The following NELL1 variants were observed in gnomAD, a reference collection of about 807,000 sequenced individuals.
NELL1 encodes the protein protein kinase C-binding protein NELL1.
A neutral mutation model predicts 107.4 loss-of-function variants in NELL1; 76 were observed. The observed-to-expected ratio is 0.71, with a 90% confidence interval of 0.59 to 0.86. NELL1 has a LOEUF of 0.86. Ranked by LOEUF, NELL1 falls within the 40% of genes least tolerant of loss-of-function variation. NELL1 has a pLI of 0.00. For synonymous variants in NELL1, 353 were observed against 341.2 expected (o/e 1.03, Z -0.38); for missense variants, 1,024 against 1,005.5 (o/e 1.02, Z -0.25).
intron 2 of NELL1, among the ~76,000 whole-genome samples, chr11:20,759,601 G>C (rs968264899): frequency 6.6e-6 from 1 of 152,204 alleles, no homozygotes; most frequent in Non-Finnish European, 1.5e-5. Context: ...CAGTCCGACA[G>C]CTTCATCCAC....
At chr11:21,551,308 CT>C (rs1322104276) in intron 16 of NELL1, among the ~76,000 whole-genome samples, 1 of 152,006 alleles carries the variant, frequency 6.6e-6, no homozygotes, top group Non-Finnish European at 1.5e-5. Flanking sequence ...TTGACTTCCT[CT>C]TTTCCTAATT....
At chr11:21,515,442 C>A (rs541046311) in intron 15 of NELL1, among the ~76,000 whole-genome samples, 4 of 152,284 alleles carry the variant, frequency 2.6e-5, no homozygotes, top group South Asian at 2.1e-4. Context: ...CCTCTTGCTA[C>A]CTGCCACTAA....
At chr11:20,772,246 G>T (rs1856654627) in intron 2 of NELL1, among the ~76,000 whole-genome samples, 1 of 152,194 alleles carries the variant, frequency 6.6e-6, no homozygotes, top group Admixed American at 6.5e-5. Flanking sequence ...GGGAGGAGGA[G>T]TGTTGCTACG....
At chr11:21,521,524 T>TG (rs1288234882) in intron 15 of NELL1, among the ~76,000 whole-genome samples, 2 of 66,090 alleles carry the variant, frequency 3.0e-5, no homozygotes, top group Admixed American at 1.4e-4. Context: ...ATATTGGTGA[T>TG]TTTTTTTGGT....
At chr11:20,983,458 G>T (rs1851788950) in intron 12 of NELL1, among the ~76,000 whole-genome samples, 1 of 152,128 alleles carries the variant, frequency 6.6e-6, no homozygotes, top group Admixed American at 6.5e-5. Flanking sequence ...TTTTAAAGAT[G>T]TATGATCTCT....
chr11:20,713,480 C>T (rs78786240), intron 2 of NELL1, among the ~76,000 whole-genome samples: 4,780 of 152,232 alleles, frequency 0.031, 96 homozygotes, highest in Non-Finnish European at 0.042. Flanking sequence ...TCTCACCCAA[C>T]ACCCACGCAG....
chr11:21,194,295 A>G (rs2133839519), intron 13 of NELL1, among the ~76,000 whole-genome samples: 1 of 149,314 alleles, frequency 6.7e-6, no homozygotes, highest in Non-Finnish European at 1.5e-5. Flanking sequence ...ATCCACAATG[A>G]ATCAATCAAG....
chr11:21,067,477 C>G (rs572259700), intron 12 of NELL1, among the ~76,000 whole-genome samples: 1 of 152,050 alleles, frequency 6.6e-6, no homozygotes, highest in Non-Finnish European at 1.5e-5. Context: ...GGCCTGTATG[C>G]TGGGAGGAAG....
At chr11:21,232,151 A>AAAAAAAT (rs1858072014) in intron 14 of NELL1, among the ~76,000 whole-genome samples, 2 of 57,820 alleles carry the variant, frequency 3.5e-5, no homozygotes, top group Admixed American at 1.7e-4. Flanking sequence ...AAAAAATAAA[A>AAAAAAAT]AAAAAAAAAT....
chr11:21,158,013 G>A (rs778803076), intron 13 of NELL1, among the ~76,000 whole-genome samples: 50 of 152,148 alleles, frequency 3.3e-4, no homozygotes, highest in Non-Finnish European at 6.2e-4. Flanking sequence ...CAGTCTGGGT[G>A]GGCACCATCT....
At chr11:21,535,140 T>C (rs765682826) in intron 16 of NELL1, among the ~76,000 whole-genome samples, 1 of 152,208 alleles carries the variant, frequency 6.6e-6, no homozygotes, top group Non-Finnish European at 1.5e-5. Context: ...GGTCTCTTCT[T>C]GTGGTTCTGT....
chr11:21,175,526 T>A (rs1167216301), intron 13 of NELL1, among the ~76,000 whole-genome samples: 1 of 151,882 alleles, frequency 6.6e-6, no homozygotes, highest in Non-Finnish European at 1.5e-5. Flanking sequence ...TGGTCCAATT[T>A]AGAACTTAAT....
chr11:21,552,211 A>G (rs2133991384), intron 16 of NELL1, among the ~76,000 whole-genome samples: 2 of 151,406 alleles, frequency 1.3e-5, no homozygotes, highest in East Asian at 4.0e-4. Flanking sequence ...TGGGTACAGC[A>G]CACCAGCATT....
intron 15 of NELL1, among the ~76,000 whole-genome samples, chr11:21,479,637 A>G (rs1193834897): frequency 6.6e-6 from 1 of 152,166 alleles, no homozygotes; most frequent in Non-Finnish European, 1.5e-5. Flanking sequence ...AAGGGTGACT[A>G]AAGTCAACAG....
At chr11:21,237,793 C>G (rs1433414247) in intron 14 of NELL1, among the ~76,000 whole-genome samples, 14 of 151,964 alleles carry the variant, frequency 9.2e-5, no homozygotes, top group Admixed American at 9.2e-4. Flanking sequence ...CCTGGGTTTC[C>G]TTCTGTCTCA....
intron 14 of NELL1, among the ~76,000 whole-genome samples, chr11:21,238,108 T>C (rs1398490485): frequency 1.3e-5 from 2 of 152,052 alleles, no homozygotes; most frequent in African/African-American, 4.8e-5. Context: ...GACTTCTCAT[T>C]TCTACTTCTT....
intron 15 of NELL1, among the ~76,000 whole-genome samples, chr11:21,449,635 C>T (rs541460511): frequency 1.6e-4 from 24 of 152,272 alleles, no homozygotes; most frequent in Admixed American, 1.3e-3. Flanking sequence ...AATCCACAAT[C>T]ATGATGAGTT....
chr11:21,172,836 A>C (rs1407218914), intron 13 of NELL1, among the ~76,000 whole-genome samples: 2 of 151,734 alleles, frequency 1.3e-5, no homozygotes, highest in Non-Finnish European at 2.9e-5. Context: ...ATTTTGGGTA[A>C]AGAAGTGGAG....
At chr11:21,499,136 A>T (rs1855068928) in intron 15 of NELL1, among the ~76,000 whole-genome samples, 1 of 151,992 alleles carries the variant, frequency 6.6e-6, no homozygotes. Flanking sequence ...TATTTCAGAC[A>T]TCCTTTATTA....
Sources: allele counts gnomAD v4.1 joint callset (sites outside exome capture counted in the v4.1 genomes callset), GRCh38; gene constraint gnomAD v4.1.1; transcripts MANE v1.5; gene names NCBI Gene and HGNC (gene_info 2026-07-23, HGNC 2026-07-21).